The following DLG2 variants were observed in gnomAD, a reference collection of about 807,000 sequenced individuals.
The protein encoded by DLG2 is disks large homolog 2.
In DLG2, 45 loss-of-function variants were observed where a neutral mutation model predicts 132.5. That is an observed-to-expected ratio of 0.34 (90% CI 0.27 to 0.44). The LOEUF (loss-of-function observed/expected upper bound fraction) is 0.44, where lower values mean the gene tolerates loss of function less well. Ranked by LOEUF, DLG2 falls within the 20% of genes least tolerant of loss-of-function variation. DLG2 has a pLI of 1.00. For missense variants in DLG2, 1,045 were observed against 1,196.9 expected, an observed-to-expected ratio of 0.87 and a Z score of 1.87; for synonymous variants, 424 against 419.6, an observed-to-expected ratio of 1.01 and a Z score of -0.13.
At chr11:83,761,299 G>GTACC (rs2093896498) in intron 18 of DLG2, among the ~76,000 whole-genome samples, 1 of 152,180 alleles carries the variant, frequency 6.6e-6, no homozygotes, top group African/African-American at 2.4e-5. Flanking sequence ...TAGTCCTGGA[G>GTACC]TACCTCTCAA....
chr11:85,167,205 C>T (rs1408299681), intron 4 of DLG2, among the ~76,000 whole-genome samples: 1 of 152,114 alleles, frequency 6.6e-6, no homozygotes, highest in East Asian at 1.9e-4. Flanking sequence ...CCTTCCCATC[C>T]TCTAAGAATG....
intron 6 of DLG2, among the ~76,000 whole-genome samples, chr11:84,581,560 T>A (rs2154529186): frequency 6.6e-6 from 1 of 152,268 alleles, no homozygotes; most frequent in African/African-American, 2.4e-5. Flanking sequence ...ACATTACTAT[T>A]CCAACTTTAT....
At chr11:83,727,782 G>A (rs1367219409) in intron 18 of DLG2, among the ~76,000 whole-genome samples, 1 of 152,104 alleles carries the variant, frequency 6.6e-6, no homozygotes, top group Non-Finnish European at 1.5e-5. Flanking sequence ...AATCCACTTC[G>A]GTGATTTTAG....
At chr11:84,456,874 A>G (rs1431561398) in intron 7 of DLG2, among the ~76,000 whole-genome samples, 3 of 151,290 alleles carry the variant, frequency 2.0e-5, no homozygotes, top group East Asian at 3.9e-4. Context: ...AATATTTGGA[A>G]GTGGTAAAAG....
intron 3 of DLG2, among the ~76,000 whole-genome samples, chr11:85,449,415 T>C (rs560643561): frequency 3.3e-5 from 5 of 152,136 alleles, no homozygotes; most frequent in African/African-American, 4.8e-5. Context: ...AATTTTCTTT[T>C]GTATAATCTT....
At chr11:85,624,537 T>G (rs1335145772) in intron 2 of DLG2, among the ~76,000 whole-genome samples, 1 of 152,212 alleles carries the variant, frequency 6.6e-6, no homozygotes, top group East Asian at 1.9e-4. Flanking sequence ...AGGACAGTGA[T>G]CCCTGCAGAA....
intron 6 of DLG2, among the ~76,000 whole-genome samples, chr11:85,017,356 CT>C (rs907799438): frequency 2.9e-5 from 2 of 69,674 alleles, no homozygotes; most frequent in Non-Finnish European, 2.5e-5. Flanking sequence ...TCTTTCTCCA[CT>C]TTTTTTTTTA....
intron 6 of DLG2, among the ~76,000 whole-genome samples, chr11:84,672,921 A>G (rs952187160): frequency 6.6e-6 from 1 of 152,144 alleles, no homozygotes; most frequent in Admixed American, 6.6e-5. Flanking sequence ...GCTTTTACTC[A>G]TGGCAGAAAG....
At chr11:83,957,159 A>G (rs1438729593) in intron 14 of DLG2, among the ~76,000 whole-genome samples, 1 of 152,232 alleles carries the variant, frequency 6.6e-6, no homozygotes, top group Non-Finnish European at 1.5e-5. Context: ...GCCTGAGGAG[A>G]ACAAGTTTAT....
intron 8 of DLG2, among the ~76,000 whole-genome samples, chr11:84,231,239 G>A (rs1318964494): frequency 1.3e-5 from 2 of 152,202 alleles, no homozygotes; most frequent in Non-Finnish European, 2.9e-5. Flanking sequence ...GCAAAAGGGA[G>A]CCTCAAGCTA....
At chr11:83,554,144 A>C (rs2096463753) in intron 19 of DLG2, among the ~76,000 whole-genome samples, 1 of 152,060 alleles carries the variant, frequency 6.6e-6, no homozygotes, top group Admixed American at 6.6e-5. Flanking sequence ...TTGGTCTCCC[A>C]AAGTGCTGGG....
At chr11:84,909,451 A>G (rs2091863826) in intron 6 of DLG2, among the ~76,000 whole-genome samples, 1 of 152,146 alleles carries the variant, frequency 6.6e-6, no homozygotes, top group African/African-American at 2.4e-5. Flanking sequence ...TCTAAGTTTC[A>G]GTTTTAGAGT....
At chr11:84,681,492 G>C (rs923243795) in intron 6 of DLG2, among the ~76,000 whole-genome samples, 3 of 152,086 alleles carry the variant, frequency 2.0e-5, no homozygotes, top group Non-Finnish European at 4.4e-5. Context: ...GGGGGGTACC[G>C]GTTTCAGTAT....
intron 11 of DLG2, among the ~76,000 whole-genome samples, chr11:84,052,496 T>C (rs1717988175): frequency 6.6e-6 from 1 of 151,114 alleles, no homozygotes; most frequent in South Asian, 2.1e-4. Flanking sequence ...TTAAACAAAT[T>C]TACAAGAAAA....
intron 4 of DLG2, among the ~76,000 whole-genome samples, chr11:85,253,102 T>C (rs2076479784): frequency 6.6e-6 from 1 of 152,230 alleles, no homozygotes; most frequent in Non-Finnish European, 1.5e-5. Flanking sequence ...TTTCTCTTGT[T>C]CTGAATGAAT....
intron 12 of DLG2, 51 bp from the exon 13 acceptor site, chr11:83,965,519 A>G (rs768431755): frequency 6.9e-7 from 1 of 1,450,638 alleles, no homozygotes; most frequent in Non-Finnish European, 9.4e-7. Flanking sequence ...GGAGCAGAAG[A>G]AAAATATTCA....
intron 18 of DLG2, among the ~76,000 whole-genome samples, chr11:83,741,891 T>C (rs2092547298): frequency 6.6e-6 from 1 of 151,680 alleles, no homozygotes; most frequent in Admixed American, 6.6e-5. Flanking sequence ...GGTGGGTGCC[T>C]GTAGTTCCAG....
chr11:85,287,694 T>C lies in DLG2; in HGVS notation c.41-2329A>G, dbSNP rs570945653. ...TATGCATCAAAAACAAACCAAAATA[T>C]TCCTAACAGCATAGATTACAGTAGC... On this transcript the variant is annotated intron_variant, in intron 3 of 27. Coordinates refer to ENST00000376104, the MANE Select transcript of DLG2 (RefSeq NM_001142699.3). 4.6e-5 allele frequency among the ~76,000 whole-genome samples: 7 copies of C among 152,154 alleles called. No homozygotes were observed. In the South Asian group the frequency reaches 8.3e-4, roughly 18 times the overall value.
At chr11:84,553,683 A>T (rs1202769812) in intron 6 of DLG2, among the ~76,000 whole-genome samples, 1 of 152,244 alleles carries the variant, frequency 6.6e-6, no homozygotes. Flanking sequence ...TTGAGATTTA[A>T]GATGCTTAAA....
Sources: allele counts gnomAD v4.1 joint callset (sites outside exome capture counted in the v4.1 genomes callset), GRCh38; gene constraint gnomAD v4.1.1; transcripts MANE v1.5; gene names NCBI Gene and HGNC (gene_info 2026-07-23, HGNC 2026-07-21).